Variants in GFAP observed in about 807,000 individuals in gnomAD.
GFAP encodes intermediate filament protein.
Under a neutral mutation model 49.3 loss-of-function variants are expected in GFAP, and 38 were observed. The observed-to-expected ratio is 0.77, with a 90% CI of 0.60 to 1.01. The LOEUF is 1.01. Among genes scored for constraint, GFAP ranks in the 50% least tolerant of loss-of-function variants. The probability of loss-of-function intolerance (pLI) is 0.00; values close to 1 mark genes in which losing one functional copy is unlikely to be tolerated. For missense variants in GFAP, 463 were observed against 579.1 expected (o/e 0.80, Z 2.06); for synonymous variants, 222 against 236.4 (o/e 0.94, Z 0.56).
Position 44,907,676 on chromosome 17 carries a change from C to T in GFAP, c.1258-288G>A, listed in dbSNP as rs139004251. 145 of 570,208 alleles carry T rather than the reference C, an allele frequency of 2.5e-4. 1 individual carries two copies. In the African/African-American group the frequency reaches 2.6e-3, roughly 10 times the overall value. 35.3% of individuals were successfully genotyped at this position (570,208 alleles called of 1,614,324 possible). On this transcript the variant is annotated intron_variant, in intron 8 of 8. Transcript: ENST00000588735. Reference sequence around the variant, plus strand: ...CGCCAAATCCCCTCTTCCCATTCCCCTGGTAGTTTCCTTTTACCAAGCTGG... The same window carrying T: ...CGCCAAATCCCCTCTTCCCATTCCCTTGGTAGTTTCCTTTTACCAAGCTGG...
At position 44,906,946 on chromosome 17, in the gene GFAP, C is replaced by T; in HGVS notation, c.*401G>A. 1 of 303,218 alleles carries T rather than the reference C, an allele frequency of 3.3e-6. No individual in the cohort carries two copies. Among genetic ancestry groups the T allele is most frequent in the Non-Finnish European group, 6.5e-6 (1 of 153,962 alleles). The allele number at this position is 303,218 out of a possible 1,614,324, so 18.8% of individuals were successfully genotyped here. A position where few individuals can be genotyped will look rare whatever the true frequency, so the allele number is the denominator to read the frequency against. The stretch of plus-strand genomic sequence containing the variant: ...CTGAGGAAACTCAAAGGCACAGTTC[C>T]CAGATACTCCGAGAGAACCTCCATC... On this transcript the variant is annotated 3_prime_UTR_variant, in exon 9 of 9. Coordinates refer to ENST00000588735, the MANE Select transcript of GFAP (RefSeq NM_002055.5).
At chr17:44,908,268 C>A (rs367587225) in intron 7 of GFAP, 119 bp from the exon 8 acceptor site, 17 of 727,596 alleles carry the variant, frequency 2.3e-5, no homozygotes, top group South Asian at 2.3e-4. Context: ...CCTATGCAAC[C>A]GAGCAGAGAG....
At chr17:44,913,474 C>T in intron 3 of GFAP, 44 bp from the exon 4 acceptor site, 1 of 1,603,004 alleles carries the variant, frequency 6.2e-7, no homozygotes, top group Non-Finnish European at 8.5e-7. Flanking sequence ...AGGGTACAGG[C>T]CACAGCTGGG....
Position 44,904,920 on chromosome 17 carries a change from A to G in GFAP, c.*2427T>C, listed in dbSNP as rs3744473. 0.27 allele frequency: 421,844 copies of G among 1,550,332 alleles called. 57,629 individuals are homozygous for G. The highest frequency in any genetic ancestry group is 0.28 in the South Asian group (23,808 of 84,054). ...CGGCTGGGTGTGACATCTCATGGGCACTACCCAGCCTCGTTCTCAGATCCT... is the reference window on the plus strand; with the variant it reads ...CGGCTGGGTGTGACATCTCATGGGCGCTACCCAGCCTCGTTCTCAGATCCT... On this transcript the variant is annotated 3_prime_UTR_variant, in exon 9 of 9. Coordinates refer to ENST00000588735, the MANE Select transcript of GFAP (RefSeq NM_002055.5).
rs769169553 is a variant in GFAP, at chr17:44,910,594, A to G, written c.1171+21T>C. The G allele has an allele frequency of 2.0e-5, 32 of 1,566,808 alleles. No homozygotes were observed. The highest frequency in any genetic ancestry group is 7.7e-5 in the Admixed American group (4 of 51,670). ...GGGGCAGGACTCCAGTGCCCTTCCC[A>G]CGAGGCCCTGCTGTACTGACCTCGA... On this transcript the variant is annotated intron_variant, in intron 7 of 8. Coordinates refer to ENST00000588735, the MANE Select transcript of GFAP (RefSeq NM_002055.5).
In GFAP at chr17:44,914,959, G is replaced by A. The variant is rs189280879; in HGVS notation, c.461+67C>T. On this transcript the variant is annotated intron_variant, in intron 1 of 8. Coordinates refer to ENST00000588735, the MANE Select transcript of GFAP (RefSeq NM_002055.5). ...GTTCGGCCCCTCCCTGAGACTTCTCGGGCACTCCTTCTTGGGGATTCAGCC... is the reference window on the plus strand; with the variant it reads ...GTTCGGCCCCTCCCTGAGACTTCTCAGGCACTCCTTCTTGGGGATTCAGCC... 245 of 1,420,836 alleles carry A rather than the reference G, an allele frequency of 1.7e-4. 5 individuals carry two copies. In the African/African-American group the frequency reaches 2.9e-3, roughly 17 times the overall value. 88.0% of individuals were successfully genotyped at this position (1,420,836 alleles called of 1,614,324 possible). A position where few individuals can be genotyped will look rare whatever the true frequency, so the allele number is the denominator to read the frequency against.
chr17:44,910,947 G>C, intron 6 of GFAP: 1 of 603,910 alleles, frequency 1.7e-6, no homozygotes. Flanking sequence ...TGGGTGAGGT[G>C]AGGAGTCCAA....
rs1721929149 is a variant in GFAP, at chr17:44,904,164, T to G, written c.*3183A>C. On this transcript the variant is annotated 3_prime_UTR_variant, in exon 9 of 9. Coordinates refer to ENST00000588735, the MANE Select transcript of GFAP (RefSeq NM_002055.5). ...AGCATCCGCATGTTCAGCTTGTTGG[T>G]TTTCAGGGCTCAGTCTGAGGACTCA... 6.5e-7 allele frequency: 1 copy of G among 1,550,150 alleles called. No homozygotes were observed. Among genetic ancestry groups the G allele is most frequent in the African/African-American group, 1.4e-5 (1 of 73,024 alleles).
Position 44,905,177 on chromosome 17 carries a change from G to A in GFAP, c.*2170C>T, listed in dbSNP as rs2051636287. On this transcript the variant is annotated 3_prime_UTR_variant, in exon 9 of 9. Transcript: ENST00000588735. ...GGGTTGGGACAGGTGGTAGGAACATGTGGACAAATCTGTTACAGCCTGCTC... is the reference window on the plus strand; with the variant it reads ...GGGTTGGGACAGGTGGTAGGAACATATGGACAAATCTGTTACAGCCTGCTC... 1 of 864,468 alleles carries A rather than the reference G, an allele frequency of 1.2e-6. No homozygotes were observed. Among genetic ancestry groups the A allele is most frequent in the East Asian group, 2.7e-5 (1 of 37,436 alleles). 53.5% of individuals were successfully genotyped at this position (864,468 alleles called of 1,614,324 possible).
intron 8 of GFAP, chr17:44,907,778 T>C: frequency 7.0e-6 from 4 of 569,402 alleles, no homozygotes; most frequent in Non-Finnish European, 1.3e-5. Context: ...ATTCTCTTTC[T>C]CTCCCTGGCA....
At chr17:44,909,311 C>T (rs2051706437) in intron 7 of GFAP, 1 of 152,188 alleles carries the variant, frequency 6.6e-6, no homozygotes. Context: ...AGACAATTAA[C>T]TAAAATAAAG....
rs775175861 is a variant in GFAP at position 44,911,361 on chromosome 17, C to G, written c.1002G>C (p.Glu334Asp). 3.1e-6 allele frequency: 5 copies of G among 1,614,202 alleles called. No homozygotes were observed. Among genetic ancestry groups the G allele is most frequent in the African/African-American group, 1.3e-5 (1 of 75,064 alleles). Residue 334 changes from glutamate (E) to aspartate (D), a missense_variant, in exon 6 of 9, where the codon GAG becomes GAC. Around this residue, in one of 3 missense-constraint regions of GFAP, gnomAD observed 362 missense variants for 445.5 expected, o/e 0.81. Coordinates refer to ENST00000588735, the MANE Select transcript of GFAP (RefSeq NM_002055.5). ...YQEALARLEE[E>D]GQSLKDEMAR... is the part of the protein sequence containing the mutation. ...CCATCTCGTCCTTGAGGCTCTGCCCCTCTTCCTCCAGCCGCGCCAGCGCCT... is the reference window on the plus strand; with the variant it reads ...CCATCTCGTCCTTGAGGCTCTGCCCGTCTTCCTCCAGCCGCGCCAGCGCCT...
rs141641392 is a variant in GFAP at position 44,914,826 on chromosome 17, CG to C, written c.461+199del. The C allele has an allele frequency of 0.13, 78,407 of 601,810 alleles. 5,842 individuals are homozygous for C. The highest frequency in any genetic ancestry group is 0.18 in the Middle Eastern group (406 of 2,240). 37.3% of individuals were successfully genotyped at this position (601,810 alleles called of 1,614,324 possible). ...CCCTGGACTCCTGGCAGAAGGCATGCGGGCATCAGATCCCCGGGGCCCTGGG... is the reference window on the plus strand; with the variant it reads ...CCCTGGACTCCTGGCAGAAGGCATGCGGCATCAGATCCCCGGGGCCCTGGG... On this transcript the variant is annotated intron_variant, in intron 1 of 8. Transcript: ENST00000588735.
Position 44,906,867 on chromosome 17 carries a change from C to A in GFAP, c.*480G>T. 1 of 231,688 alleles carries A rather than the reference C, an allele frequency of 4.3e-6. No homozygotes were observed. Among genetic ancestry groups the A allele is most frequent in the Non-Finnish European group, 8.7e-6 (1 of 114,590 alleles). 14.4% of individuals were successfully genotyped at this position (231,688 alleles called of 1,614,324 possible). A position where few individuals can be genotyped will look rare whatever the true frequency, so the allele number is the denominator to read the frequency against. ...AAAACAAGCCTCTGGCCAGGGCTAC[C>A]TTGTCTGTGGGGCCTTCCCTTTCCT... On this transcript the variant is annotated 3_prime_UTR_variant, in exon 9 of 9. Transcript: ENST00000588735.
rs1043134939 is a variant in GFAP, at chr17:44,905,229, C to G, written c.*2118G>C. The G allele has an allele frequency of 1.2e-5, 8 of 643,988 alleles. No individual in the cohort carries two copies. The highest frequency in any genetic ancestry group is 2.2e-5 in the Non-Finnish European group (8 of 366,416). 39.9% of individuals were successfully genotyped at this position (643,988 alleles called of 1,614,324 possible). ...CCATTTTCATGGGCAGGTCTGGGAC[C>G]TGATCTGAGAAGTGGAGGGGCCTGA... On this transcript the variant is annotated 3_prime_UTR_variant, in exon 9 of 9. Transcript: ENST00000588735.
rs1291791625 is a variant in GFAP at position 44,913,718 on chromosome 17, C to T, written c.618+10G>A. 4 of 1,599,900 alleles carry T rather than the reference C, an allele frequency of 2.5e-6. No homozygotes were observed. The highest frequency in any genetic ancestry group is 1.3e-5 in the African/African-American group (1 of 74,678). ...TGTGTTGAGCTTTCCTCCCTCTGCC[C>T]TGGCCTCACCTCCTCGTGGATCTTC... On this transcript the variant is annotated intron_variant, in intron 3 of 8. Coordinates refer to ENST00000588735, the MANE Select transcript of GFAP (RefSeq NM_002055.5).
chr17:44,903,808 C>T lies in GFAP; in HGVS notation c.*3539G>A, dbSNP rs2051603466. 1.3e-6 allele frequency: 2 copies of T among 1,541,472 alleles called. No homozygotes were observed. The highest frequency in any genetic ancestry group is 1.4e-5 in the African/African-American group (1 of 72,732). ...AATGCCCTGGTTTTGCCCTGCCCCT[C>T]TGACCCCTGCCTCCTTCAGGTATGC... On this transcript the variant is annotated 3_prime_UTR_variant, in exon 9 of 9. Coordinates refer to ENST00000588735, the MANE Select transcript of GFAP (RefSeq NM_002055.5).
At chr17:44,910,175 A>G (rs2051727576) in intron 7 of GFAP, 1 of 1,613,666 alleles carries the variant, frequency 6.2e-7, no homozygotes, top group Admixed American at 1.7e-5. Flanking sequence ...CAATCTGGTG[A>G]GCCTGTATTG....
rs1344951092 is a variant in GFAP, at chr17:44,904,336, C to T, written c.*3011G>A. 1.3e-6 allele frequency: 2 copies of T among 1,541,992 alleles called. No homozygotes were observed. The highest frequency in any genetic ancestry group is 2.7e-5 in the African/African-American group (2 of 72,868). On this transcript the variant is annotated 3_prime_UTR_variant, in exon 9 of 9. Transcript: ENST00000588735. ...AATACTATGGGCACCTCCATGTCTT[C>T]ACCACCTTCTGGGAATGGACCCCCT...
Sources: allele counts gnomAD v4.1 joint callset, GRCh38; gene constraint gnomAD v4.1.1; regional missense constraint gnomAD v4.1.1; transcripts MANE v1.5; gene names NCBI Gene and HGNC (gene_info 2026-07-23, HGNC 2026-07-21).